Variants in TOX3 observed in about 807,000 individuals in gnomAD.
TOX3 encodes CAG trinucleotide repeat-containing gene F9 protein.
Under a neutral mutation model 64.3 loss-of-function variants are expected in TOX3, and 22 were observed. That is an observed-to-expected ratio of 0.34 (90% confidence interval 0.24 to 0.49). The LOEUF (loss-of-function observed/expected upper bound fraction) is 0.49, where lower values mean the gene tolerates loss of function less well. Among genes scored for constraint, TOX3 ranks in the 20% least tolerant of loss-of-function variants. The probability of loss-of-function intolerance (pLI) is 0.99; values close to 1 mark genes in which losing one functional copy is unlikely to be tolerated. For missense variants in TOX3, 661 were observed against 714.4 expected (o/e 0.93, Z 0.85); for synonymous variants, 291 against 273.6 (o/e 1.06, Z -0.63).
At chr16:52,532,610 G>T (rs1483467232) in intron 1 of TOX3, among the ~76,000 whole-genome samples, 1 of 152,206 alleles carries the variant, frequency 6.6e-6, no homozygotes, top group East Asian at 1.9e-4. Context: ...CAAAATATGT[G>T]TTTTTGAAGT....
intron 1 of TOX3, among the ~76,000 whole-genome samples, chr16:52,487,687 G>C (rs981915889): frequency 6.6e-6 from 1 of 152,118 alleles, no homozygotes; most frequent in South Asian, 2.1e-4. Flanking sequence ...TTTCAATAAG[G>C]TCTTAAAAAC....
At chr16:52,494,268 G>A (rs1471132448) in intron 1 of TOX3, among the ~76,000 whole-genome samples, 1 of 152,156 alleles carries the variant, frequency 6.6e-6, no homozygotes, top group African/African-American at 2.4e-5. Context: ...GCAGAAGGAT[G>A]TGTCTCACTT....
At chr16:52,486,717 A>G (rs1055343069) in intron 1 of TOX3, among the ~76,000 whole-genome samples, 2 of 152,132 alleles carry the variant, frequency 1.3e-5, no homozygotes, top group African/African-American at 4.8e-5. Flanking sequence ...GAATCAGCTG[A>G]GCCCTGGAGT....
intron 1 of TOX3, among the ~76,000 whole-genome samples, chr16:52,521,318 G>A (rs1962601959): frequency 1.3e-5 from 2 of 152,156 alleles, no homozygotes; most frequent in African/African-American, 4.8e-5. Context: ...AATGGTAGAA[G>A]CCCAGTACCA....
intron 6 of TOX3, among the ~76,000 whole-genome samples, chr16:52,443,571 G>A (rs572078460): frequency 3.9e-5 from 6 of 152,102 alleles, no homozygotes; most frequent in African/African-American, 4.8e-5. Context: ...GAAAAAATTT[G>A]TCTAGAGCAA....
chr16:52,511,122 C>T (rs1437024316), intron 1 of TOX3, among the ~76,000 whole-genome samples: 1 of 152,060 alleles, frequency 6.6e-6, no homozygotes, highest in Non-Finnish European at 1.5e-5. Flanking sequence ...ATCTGAGCAT[C>T]GACATGACAA....
intron 1 of TOX3, among the ~76,000 whole-genome samples, chr16:52,512,929 G>A (rs1356004488): frequency 1.3e-5 from 2 of 152,192 alleles, no homozygotes; most frequent in South Asian, 2.1e-4. Context: ...TGTGAGTAAC[G>A]TAAGCGAAAA....
chr16:52,439,365 G>C lies in TOX3; in HGVS notation c.1591C>G (p.Arg531Gly), dbSNP rs921473080. ...HMQHQSQPSP[R>G]QHSPVASQIT... ...TGAGAGGCGACAGGGGAGTGCTGCC[G>C]AGGAGAAGGCTGAGACTGGTGCTGC... Residue 531 changes from arginine to glycine, a missense_variant, in exon 7 of 7, where the codon CGG becomes GGG. By Grantham distance (125) the Arg-to-Gly change is moderately radical. This residue lies in a region of TOX3 where 299 missense variants were observed against 292.1 expected (regional missense o/e 1.02). Transcript: ENST00000219746. 1 of 1,607,564 alleles carries C rather than the reference G, an allele frequency of 6.2e-7. No individual in the cohort carries two copies. The highest frequency in any genetic ancestry group is 8.5e-7 in the Non-Finnish European group (1 of 1,176,450).
intron 1 of TOX3, among the ~76,000 whole-genome samples, chr16:52,515,185 T>TAAA (rs11415785): frequency 3.5e-4 from 49 of 138,652 alleles, no homozygotes; most frequent in African/African-American, 1.3e-3. Flanking sequence ...CTATGAATGT[T>TAAA]AAAAAAAAAA....
chr16:52,506,435 A>C (rs1235283818), intron 1 of TOX3, among the ~76,000 whole-genome samples: 1 of 152,170 alleles, frequency 6.6e-6, no homozygotes, highest in African/African-American at 2.4e-5. Context: ...ATCTCAACCC[A>C]ACCCACCAAG....
At chr16:52,510,165 C>T (rs1412029793) in intron 1 of TOX3, among the ~76,000 whole-genome samples, 5 of 149,862 alleles carry the variant, frequency 3.3e-5, no homozygotes, top group African/African-American at 9.8e-5. Flanking sequence ...AAAAAAATGC[C>T]ACTACTTACA....
At chr16:52,536,933 T>A (rs532127319) in intron 1 of TOX3, among the ~76,000 whole-genome samples, 1 of 151,838 alleles carries the variant, frequency 6.6e-6, no homozygotes, top group African/African-American at 2.4e-5. Flanking sequence ...TCTTCAGCCA[T>A]CTTCCCTTTC....
chr16:52,476,684 C>T (rs976029293), intron 1 of TOX3, among the ~76,000 whole-genome samples: 2 of 152,070 alleles, frequency 1.3e-5, no homozygotes, highest in African/African-American at 4.8e-5. Context: ...GTGTTAATTC[C>T]AGTTTGTCTC....
chr16:52,469,146 T>C (rs1960959746), intron 1 of TOX3, among the ~76,000 whole-genome samples: 1 of 152,222 alleles, frequency 6.6e-6, no homozygotes, highest in Admixed American at 6.5e-5. Flanking sequence ...CCATCAGAGT[T>C]GCTGAAAACA....
chr16:52,479,072 T>C (rs1470989486), intron 1 of TOX3, among the ~76,000 whole-genome samples: 1 of 152,204 alleles, frequency 6.6e-6, no homozygotes, highest in Non-Finnish European at 1.5e-5. Context: ...AAGACATATA[T>C]GACTCCTCAT....
At chr16:52,546,539 C>A in intron 1 of TOX3, 98 bp downstream of exon 1, 1 of 1,123,298 alleles carries the variant, frequency 8.9e-7, no homozygotes, top group Non-Finnish European at 1.2e-6. Context: ...AGGAAAGAGG[C>A]CAAAGAAAAG....
chr16:52,439,693 C>T lies in TOX3; in HGVS notation c.1263G>A (p.Thr421=), dbSNP rs758391704. Residue 421 remains threonine, a synonymous_variant, in exon 7 of 7, where the codon ACG becomes ACA. Transcript: ENST00000219746. ...IGAPLISSMG[T]TMVGSAPSTQ... ...TGGAGGGTGCTGAGCCAACCATGGTCGTTCCCATGGAGCTTATCAGTGGAG... is the reference window on the plus strand; with the variant it reads ...TGGAGGGTGCTGAGCCAACCATGGTTGTTCCCATGGAGCTTATCAGTGGAG... The T allele has an allele frequency of 8.1e-6, 13 of 1,613,874 alleles. No individual in the cohort carries two copies. The Admixed American group carries it at 1.2e-4, about 14-fold the overall frequency.
chr16:52,467,909 C>T (rs1960917158), intron 2 of TOX3, among the ~76,000 whole-genome samples: 1 of 152,122 alleles, frequency 6.6e-6, no homozygotes, highest in Non-Finnish European at 1.5e-5. Context: ...CAGCTGTGAC[C>T]AAGTCTTGGA....
chr16:52,523,894 G>A (rs958366966), intron 1 of TOX3, among the ~76,000 whole-genome samples: 3 of 152,148 alleles, frequency 2.0e-5, no homozygotes, highest in Non-Finnish European at 4.4e-5. Context: ...AGTCTTTGCA[G>A]TTCATTAGAT....
Sources: allele counts gnomAD v4.1 joint callset (sites outside exome capture counted in the v4.1 genomes callset), GRCh38; gene constraint gnomAD v4.1.1; regional missense constraint gnomAD v4.1.1; transcripts MANE v1.5; gene names NCBI Gene and HGNC (gene_info 2026-07-23, HGNC 2026-07-21).